The following PI4KA variants were observed in gnomAD, a reference collection of about 807,000 sequenced individuals.
PI4KA encodes the protein PI4-kinase alpha.
In PI4KA, 122 loss-of-function variants were observed where a neutral mutation model predicts 271.4. The ratio of observed to expected loss-of-function variants is 0.45; its 90% CI spans 0.39 to 0.52. The LOEUF is 0.52. PI4KA is among the 20% of genes least tolerant of loss of function. The pLI, the probability that PI4KA is intolerant of heterozygous loss-of-function variation, is 0.00. For synonymous variants in PI4KA, 1,041 were observed against 1,078.8 expected (o/e 0.96, Z 0.69); for missense variants, 1,969 against 2,769.1 (o/e 0.71, Z 6.48).
rs369037415 is a variant in PI4KA at position 20,824,332 on chromosome 22, C to G, written c.450G>C (p.Arg150Ser). 1 of 1,605,894 alleles carries G rather than the reference C, an allele frequency of 6.2e-7. No individual in the cohort carries two copies. The highest frequency in any genetic ancestry group is 1.3e-5 in the African/African-American group (1 of 74,864). Residue 150 changes from arginine to serine, a missense_variant, in exon 4 of 55, where the codon AGG becomes AGC. Physicochemically the swap from Arg to Ser is moderately radical, Grantham distance 110 (BLOSUM62 -1). Coordinates refer to ENST00000255882, the MANE Select transcript of PI4KA (RefSeq NM_058004.4). Reference sequence around the variant, plus strand: ...TCAACCAACACATGCTTACCTCATCCCTAAGTGAAGGATCCCTATAGGCCA... The same window carrying G: ...TCAACCAACACATGCTTACCTCATCGCTAAGTGAAGGATCCCTATAGGCCA... ...SDVAYRDPSL[R>S]DEILEVLLQV...
chr22:20,803,143 C>A, intron 13 of PI4KA, 48 bp downstream of exon 13: 1 of 1,601,518 alleles, frequency 6.2e-7, no homozygotes, highest in South Asian at 1.1e-5. Flanking sequence ...CACACACAGT[C>A]ACAGAGCCCC....
At position 20,784,280 on chromosome 22, in the gene PI4KA, C is replaced by T. The variant is rs950012527; in HGVS notation, c.2328+8913G>A. On this transcript the variant is annotated intron_variant, in intron 19 of 54. Coordinates refer to ENST00000255882, the MANE Select transcript of PI4KA (RefSeq NM_058004.4). ...ACTGTGTGTTTGTTCTTTTGAGCTC[C>T]CAGATGCTGGGGGTGTCTGGGAATA... is the stretch of plus-strand genomic sequence containing the variant. The T allele has an allele frequency of 3.7e-6, 6 of 1,613,654 alleles. No homozygotes were observed. The African/African-American group carries it at 5.3e-5, about 14-fold the overall frequency.
At chr22:20,792,027 G>A (rs1217033423) in intron 19 of PI4KA, among the ~76,000 whole-genome samples, 1 of 152,116 alleles carries the variant, frequency 6.6e-6, no homozygotes, top group East Asian at 1.9e-4. Flanking sequence ...CTTGAACCCA[G>A]GAGGTGGAGA....
intron 9 of PI4KA, among the ~76,000 whole-genome samples, chr22:20,808,566 G>A (rs1935807295): frequency 1.3e-5 from 2 of 149,258 alleles, no homozygotes; most frequent in African/African-American, 5.0e-5. Flanking sequence ...CTCCAGCCTG[G>A]GTGACAGAGT....
At chr22:20,722,902 TAA>T (rs1926911019) in intron 42 of PI4KA, among the ~76,000 whole-genome samples, 1 of 152,344 alleles carries the variant, frequency 6.6e-6, no homozygotes, top group South Asian at 2.1e-4. Flanking sequence ...TTTTTAAATA[TAA>T]GTTTGCTTTT....
chr22:20,841,932 A>G (rs962694314), intron 1 of PI4KA, among the ~76,000 whole-genome samples: 1 of 152,130 alleles, frequency 6.6e-6, no homozygotes, highest in African/African-American at 2.4e-5. Context: ...CTTGGAAATG[A>G]TGGCTGGGTG....
At chr22:20,792,649 G>A (rs1017653922) in intron 19 of PI4KA, among the ~76,000 whole-genome samples, 2 of 152,220 alleles carry the variant, frequency 1.3e-5, no homozygotes, top group Admixed American at 6.5e-5. Context: ...CATTTGGGAA[G>A]AAGCGGACCC....
Position 20,753,037 on chromosome 22 carries a change from C to A in PI4KA, c.2863-10G>T. The A allele has an allele frequency of 6.2e-7, 1 of 1,614,188 alleles. No individual in the cohort carries two copies. Among genetic ancestry groups the A allele is most frequent in the South Asian group, 1.1e-5 (1 of 91,084 alleles). ...TCTCCTTGGTCTTGGCCTAGAGATG[C>A]AAAAGAAACAGGTACCGCAGTGCCC... On this transcript the variant is annotated splice_polypyrimidine_tract_variant and intron_variant, in intron 24 of 54. Coordinates refer to ENST00000255882, the MANE Select transcript of PI4KA (RefSeq NM_058004.4).
At chr22:20,841,455 C>T (rs1020176185) in intron 1 of PI4KA, among the ~76,000 whole-genome samples, 4 of 151,630 alleles carry the variant, frequency 2.6e-5, no homozygotes, top group Non-Finnish European at 5.9e-5. Flanking sequence ...CCTCCCCTAT[C>T]CCCACTCAAC....
At chr22:20,753,686 TTTTC>T (rs1334419506) in intron 23 of PI4KA, among the ~76,000 whole-genome samples, 7 of 152,238 alleles carry the variant, frequency 4.6e-5, no homozygotes, top group South Asian at 2.1e-4. Context: ...GCCCTTTCTT[TTTTC>T]TTTCTCTTTT....
intron 20 of PI4KA, 56 bp from the exon 21 acceptor site, chr22:20,765,292 G>A: frequency 6.6e-7 from 1 of 1,509,888 alleles, no homozygotes; most frequent in Non-Finnish European, 9.0e-7. Flanking sequence ...GCACTGCAGT[G>A]AGGTTGACTG....
chr22:20,727,197 C>G, intron 41 of PI4KA, 33 bp downstream of exon 41: 1 of 1,595,066 alleles, frequency 6.3e-7, no homozygotes. Context: ...AACAGTCCTA[C>G]CAGAGGCCAG....
chr22:20,751,619 G>T, intron 26 of PI4KA, 55 bp downstream of exon 26: 1 of 1,406,214 alleles, frequency 7.1e-7, no homozygotes, highest in Non-Finnish European at 1.0e-6. Context: ...CAGGGCCGGC[G>T]GGGTGGTGGT....
chr22:20,820,956 C>T (rs981474949), intron 4 of PI4KA, among the ~76,000 whole-genome samples: 5 of 152,230 alleles, frequency 3.3e-5, no homozygotes, highest in African/African-American at 1.2e-4. Flanking sequence ...CGCCCTAGCG[C>T]TTTTCAACCG....
In PI4KA at chr22:20,803,320, C is replaced by T; in HGVS notation, c.1462G>A (p.Gly488Ser). ...AACCTCTCGCACAGGCGGCCCAAAC[C>T]CTGCAACACACCATCAACCTGTCAC... ...HLPLLICCLQ[G>S]LGRLCERFPV... The change falls in exon 13 of 55, where the codon GGT becomes AGT. Residue 488 changes from glycine to serine, a missense_variant and splice_region_variant. Transcript: ENST00000255882. 1 of 1,613,924 alleles carries T rather than the reference C, an allele frequency of 6.2e-7. No homozygotes were observed. Among genetic ancestry groups the T allele is most frequent in the Non-Finnish European group, 8.5e-7 (1 of 1,179,906 alleles).
intron 32 of PI4KA, among the ~76,000 whole-genome samples, chr22:20,735,535 G>A (rs972749528): frequency 1.3e-5 from 2 of 150,364 alleles, no homozygotes; most frequent in Non-Finnish European, 3.0e-5. Context: ...CCACTCTAAT[G>A]AGCCAGGGAG....
intron 14 of PI4KA, among the ~76,000 whole-genome samples, chr22:20,800,754 G>GT (rs1215822690): frequency 6.7e-6 from 1 of 149,504 alleles, no homozygotes; most frequent in African/African-American, 2.5e-5. Flanking sequence ...GGCACCTGTA[G>GT]TCCCAGCTAC....
chr22:20,812,237 G>A (rs1921141162), intron 8 of PI4KA, among the ~76,000 whole-genome samples: 1 of 152,016 alleles, frequency 6.6e-6, no homozygotes, highest in South Asian at 2.1e-4. Context: ...TTTCCTTCTT[G>A]ACAGCAACTT....
At chr22:20,812,256 TCCTAG>T in intron 8 of PI4KA, among the ~76,000 whole-genome samples, 1 of 152,236 alleles carries the variant, frequency 6.6e-6, no homozygotes, top group Admixed American at 6.5e-5. Context: ...TTCAAAAACA[TCCTAG>T]CCTATTTAGT....
Sources: gnomAD v4.1 joint callset for allele counts (sites outside exome capture counted in the v4.1 genomes callset) on GRCh38, gnomAD v4.1.1 for gene constraint, MANE v1.5 for transcripts, NCBI Gene and HGNC (gene_info 2026-07-23, HGNC 2026-07-21) for gene names.